The following MID2 variants were observed in gnomAD, a reference collection of about 807,000 sequenced individuals.
The protein encoded by MID2 is midline 2, also known as probable E3 ubiquitin-protein ligase MID2.
A neutral mutation model predicts 46.1 loss-of-function variants in MID2; 13 were observed. The observed-to-expected ratio is 0.28, with a 90% confidence interval of 0.18 to 0.45. The LOEUF (loss-of-function observed/expected upper bound fraction) is 0.45, where lower values mean the gene tolerates loss of function less well. Among genes scored for constraint, MID2 ranks in the 20% least tolerant of loss-of-function variants. The pLI is 1.00. For missense variants in MID2, 431 were observed against 575.4 expected, an observed-to-expected ratio of 0.75 and a Z score of 2.57; for synonymous variants, 199 against 212.3, an observed-to-expected ratio of 0.94 and a Z score of 0.55.
chrX:107,865,015 A>G (rs1569464839), intron 3 of MID2, among the ~76,000 whole-genome samples: 1 of 112,454 alleles, frequency 8.9e-6, no homozygotes, highest in East Asian at 2.8e-4. Flanking sequence ...TGAAGTACAT[A>G]TGATTCTCAT....
At chrX:107,861,716 C>T (rs1204856400) in intron 3 of MID2, among the ~76,000 whole-genome samples, 3 of 112,467 alleles carry the variant, frequency 2.7e-5, no homozygotes, top group Non-Finnish European at 3.8e-5. Context: ...ATTATCCTTT[C>T]GAAGAGCAGA....
At chrX:107,912,917 A>T (rs1932912352) in intron 5 of MID2, among the ~76,000 whole-genome samples, 1 of 111,312 alleles carries the variant, frequency 9.0e-6, no homozygotes, top group Admixed American at 9.6e-5. Flanking sequence ...TTCAGTTAAA[A>T]TGAAATTTTA....
chrX:107,838,816 C>T (rs1931264663), intron 1 of MID2, among the ~76,000 whole-genome samples: 1 of 112,110 alleles, frequency 8.9e-6, no homozygotes, highest in South Asian at 3.7e-4. Context: ...GCAAACAATG[C>T]TTTTCTTGGG....
rs1160011458 is a variant in MID2, at chrX:107,894,828, A to AGTGTGTGTGTGT, written c.817-9104_817-9093dup. 140 of 81,011 alleles carry AGTGTGTGTGTGT rather than the reference A, an allele frequency of 1.7e-3. 2 individuals are homozygous for AGTGTGTGTGTGT. Among genetic ancestry groups the AGTGTGTGTGTGT allele is most frequent in the African/African-American group, 5.7e-3 (126 of 22,172 alleles). The allele number at this position is 81,011 out of a possible 1,213,427, so 6.7% of individuals were successfully genotyped here. A position where few individuals can be genotyped will look rare whatever the true frequency, so the allele number is the denominator to read the frequency against. ...ATAAACTAGGTTACAGAGTGGGGTGAGTGTGTGTGTGTGTGTGTGTGTGTG... is the reference window on the plus strand; with the variant it reads ...ATAAACTAGGTTACAGAGTGGGGTGAGTGTGTGTGTGTGTGTGTGTGTGTGTGTGTGTGTGTG... On this transcript the variant is annotated intron_variant, in intron 3 of 9. Coordinates refer to ENST00000262843, the MANE Select transcript of MID2 (RefSeq NM_012216.4).
At chrX:107,837,107 C>T (rs1462548882) in intron 1 of MID2, among the ~76,000 whole-genome samples, 2 of 111,809 alleles carry the variant, frequency 1.8e-5, no homozygotes, top group African/African-American at 6.5e-5. Context: ...TTACCCAAAG[C>T]AATCCTGACC....
chrX:107,833,114 C>A (rs914686558), intron 1 of MID2, among the ~76,000 whole-genome samples: 1 of 111,457 alleles, frequency 9.0e-6, no homozygotes, highest in Non-Finnish European at 1.9e-5. Flanking sequence ...GTTAGCCTTC[C>A]TAGTCACACT....
At chrX:107,854,540 C>T in intron 2 of MID2, 69 bp from the exon 3 acceptor site, 1 of 790,543 alleles carries the variant, frequency 1.3e-6, no homozygotes, top group Non-Finnish European at 1.9e-6. Context: ...GACATTGGTT[C>T]TCAAGCTCAT....
Position 107,899,253 on chromosome X carries a change from A to G in MID2, c.817-4705A>G, listed in dbSNP as rs1457489958. On this transcript the variant is annotated intron_variant, in intron 3 of 9. Transcript: ENST00000262843. The stretch of plus-strand genomic sequence containing the variant: ...AGCTAAGGGTAAAAAGGTCTAGTCC[A>G]TTTACATTTCAATACAGAAGAGAAA... Among the ~76,000 whole-genome samples, 5 of 99,372 alleles carry G rather than the reference A, an allele frequency of 5.0e-5. No individual in the cohort carries two copies. The East Asian group carries it at 1.6e-3, about 32-fold the overall frequency. The allele number at this position is 99,372 out of a possible 115,157, so 86.3% of individuals were successfully genotyped here.
Position 107,916,027 on chromosome X carries a change from C to G in MID2, c.1099C>G (p.Gln367Glu), listed in dbSNP as rs1430239146. 6.6e-6 allele frequency: 8 copies of G among 1,205,205 alleles called. No homozygotes were observed. The highest frequency in any genetic ancestry group is 9.0e-6 in the Non-Finnish European group (8 of 892,815). ...GGTCGCTATGGCAACTGCATCTTCT[C>G]AAGTTCTGATTCCAGACATCAATTT... ...ERVAMATASS[Q>E]VLIPDINFND... Residue 367 changes from glutamine to glutamate, a missense_variant, in exon 6 of 10, where the codon CAA becomes GAA. By Grantham distance (29) the Gln-to-Glu change is conservative. Transcript: ENST00000262843.
At chrX:107,912,860 A>G (rs1932911754) in intron 5 of MID2, among the ~76,000 whole-genome samples, 1 of 110,971 alleles carries the variant, frequency 9.0e-6, no homozygotes, top group Non-Finnish European at 1.9e-5. Flanking sequence ...CAGGGTCTGA[A>G]ATTTTCCCCC....
At chrX:107,833,284 C>T (rs895079579) in intron 1 of MID2, among the ~76,000 whole-genome samples, 2 of 110,859 alleles carry the variant, frequency 1.8e-5, no homozygotes, top group African/African-American at 6.6e-5. Context: ...GAACATTTTA[C>T]AGTTGAGGAA....
chrX:107,928,487 G>A lies in MID2; in HGVS notation c.*1414G>A, dbSNP rs1403827816. Among the ~76,000 whole-genome samples the A allele has an allele frequency of 9.0e-6, 1 of 110,810 alleles. No homozygotes were observed. Among genetic ancestry groups the A allele is most frequent in the Non-Finnish European group, 1.9e-5 (1 of 52,869 alleles). ...CCTTTCCAGGAGCTAAGTTGGCTTC[G>A]GAAGTCTTCTGGGATTTGTGAAAAT... On this transcript the variant is annotated 3_prime_UTR_variant, in exon 10 of 10. Coordinates refer to ENST00000262843, the MANE Select transcript of MID2 (RefSeq NM_012216.4).
At chrX:107,919,709 C>T (rs1400776771) in intron 7 of MID2, among the ~76,000 whole-genome samples, 2 of 111,757 alleles carry the variant, frequency 1.8e-5, no homozygotes, top group African/African-American at 6.5e-5. Context: ...GGTCTGAGCA[C>T]TGCAGAGGAT....
At chrX:107,871,345 C>T (rs181642455) in intron 3 of MID2, among the ~76,000 whole-genome samples, 39 of 111,405 alleles carry the variant, frequency 3.5e-4, no homozygotes, top group African/African-American at 1.1e-3. Context: ...GGAGGGGGAG[C>T]GCAGGTGAGC....
chrX:107,857,542 A>G (rs1332753421), intron 3 of MID2, among the ~76,000 whole-genome samples: 1 of 111,643 alleles, frequency 9.0e-6, no homozygotes, highest in Admixed American at 9.4e-5. Flanking sequence ...TGGCCTCCCA[A>G]AGTGCTAGGA....
At chrX:107,835,044 C>G (rs1297061968) in intron 1 of MID2, among the ~76,000 whole-genome samples, 1 of 111,507 alleles carries the variant, frequency 9.0e-6, no homozygotes, top group East Asian at 2.8e-4. Context: ...CCCATCCTCC[C>G]CTGCCCTGCT....
rs148883229 is a variant in MID2 at position 107,907,595 on chromosome X, A to G, written c.1073+1969A>G. ...TTGACTTCACATCCATTTTTAACCC[A>G]CTCATGTCTTTCCTACCTAAAACCA... On this transcript the variant is annotated intron_variant, in intron 5 of 9. Transcript: ENST00000262843. Among the ~76,000 whole-genome samples, 475 of 110,275 alleles carry G rather than the reference A, an allele frequency of 4.3e-3. 2 individuals are homozygous for G. Among genetic ancestry groups the G allele is most frequent in the African/African-American group, 0.015 (452 of 30,324 alleles).
chrX:107,928,067 C>T lies in MID2; in HGVS notation c.*994C>T, dbSNP rs981349689. ...GACTATTAAAAAAAAAGTTTTACTA[C>T]TCCCAAGTACACACAGTTATGAGAA... On this transcript the variant is annotated 3_prime_UTR_variant, in exon 10 of 10. Coordinates refer to ENST00000262843, the MANE Select transcript of MID2 (RefSeq NM_012216.4). 9.0e-6 allele frequency among the ~76,000 whole-genome samples: 1 copy of T among 111,475 alleles called. No individual in the cohort carries two copies. Among genetic ancestry groups the T allele is most frequent in the Non-Finnish European group, 1.9e-5 (1 of 53,055 alleles).
Position 107,825,909 on chromosome X carries a change from A to G in MID2, c.-518A>G. 1 of 265,148 alleles carries G rather than the reference A, an allele frequency of 3.8e-6. No individual in the cohort carries two copies. 21.9% of individuals were successfully genotyped at this position (265,148 alleles called of 1,213,427 possible). A position where few individuals can be genotyped will look rare whatever the true frequency, so the allele number is the denominator to read the frequency against. On this transcript the variant is annotated 5_prime_UTR_variant, in exon 1 of 10. Coordinates refer to ENST00000262843, the MANE Select transcript of MID2 (RefSeq NM_012216.4). ...GACATGTAAACGTGCCTCCAGAGGAAGGGCTGGGGGAGCTGGGAGTGGCGG... is the reference window on the plus strand; with the variant it reads ...GACATGTAAACGTGCCTCCAGAGGAGGGGCTGGGGGAGCTGGGAGTGGCGG...
Sources: gnomAD v4.1 joint callset for allele counts (sites outside exome capture counted in the v4.1 genomes callset) on GRCh38, gnomAD v4.1.1 for gene constraint, MANE v1.5 for transcripts, NCBI Gene and HGNC (gene_info 2026-07-23, HGNC 2026-07-21) for gene names.